The following PDE4A variants were observed in gnomAD, a reference collection of about 807,000 sequenced individuals.
PDE4A encodes 3',5'-cyclic-AMP phosphodiesterase 4A.
PDE4A carries 21 observed loss-of-function variants against 73.9 expected under a neutral mutation model. That is an observed-to-expected ratio of 0.28 (90% CI 0.20 to 0.41). The LOEUF (loss-of-function observed/expected upper bound fraction) is 0.41. PDE4A is among the 10% of genes least tolerant of loss of function. The pLI, the probability that PDE4A is intolerant of heterozygous loss-of-function variation, is 1.00. For missense variants in PDE4A, 958 were observed against 1,211.4 expected (o/e 0.79, Z 3.10); for synonymous variants, 463 against 505.4 (o/e 0.92, Z 1.13).
intron 7 of PDE4A, among the ~76,000 whole-genome samples, chr19:10,457,567 C>T (rs1426873206): frequency 2.0e-5 from 3 of 151,898 alleles, no homozygotes; most frequent in African/African-American, 2.4e-5. Flanking sequence ...CCTGGGTGTT[C>T]GGGGTAGGCA....
chr19:10,462,797 C>T (rs1467483367), intron 13 of PDE4A, among the ~76,000 whole-genome samples: 1 of 152,122 alleles, frequency 6.6e-6, no homozygotes, highest in Non-Finnish European at 1.5e-5. Flanking sequence ...TCCGACTCCT[C>T]CCATATTTTC....
intron 1 of PDE4A, chr19:10,432,422 G>T: frequency 2.1e-6 from 3 of 1,418,624 alleles, no homozygotes; most frequent in Non-Finnish European, 2.8e-6. Context: ...CCCGACGACG[G>T]CGCTTGGCTC....
At chr19:10,427,554 C>T in intron 1 of PDE4A, 2 of 985,400 alleles carry the variant, frequency 2.0e-6, no homozygotes, top group Non-Finnish European at 1.2e-6. Context: ...CATCTGGCTT[C>T]CTAGGACGGG....
At chr19:10,421,568 A>G (rs2042651961) in intron 1 of PDE4A, among the ~76,000 whole-genome samples, 1 of 151,974 alleles carries the variant, frequency 6.6e-6, no homozygotes, top group African/African-American at 2.4e-5. Context: ...GGAGGACTCT[A>G]TTGCGGGGAT....
chr19:10,457,286 A>G (rs2043184922), intron 7 of PDE4A, among the ~76,000 whole-genome samples: 1 of 152,170 alleles, frequency 6.6e-6, no homozygotes, highest in Non-Finnish European at 1.5e-5. Context: ...GGAGCATAAC[A>G]TGTAAATGAC....
chr19:10,419,076 T>TG, upstream of PDE4A: 1 of 971,190 alleles, frequency 1.0e-6, no homozygotes, highest in Non-Finnish European at 1.2e-6. Context: ...TTTTTTTTTT[T>TG]TTTTCAAATA....
chr19:10,461,428 G>A (rs1411801845), intron 11 of PDE4A, 98 bp from the exon 12 acceptor site: 40 of 1,548,166 alleles, frequency 2.6e-5, no homozygotes, highest in Non-Finnish European at 3.4e-5. Context: ...GAGGCTGGCC[G>A]GGCTGGGGAG....
chr19:10,421,960 G>A (rs536778415), intron 1 of PDE4A, among the ~76,000 whole-genome samples: 3 of 152,316 alleles, frequency 2.0e-5, no homozygotes, highest in Admixed American at 6.5e-5. Context: ...GTCCTCCAGG[G>A]ACAGTGTAAT....
intron 1 of PDE4A, among the ~76,000 whole-genome samples, chr19:10,428,565 A>G (rs761432511): frequency 6.6e-6 from 1 of 152,204 alleles, no homozygotes; most frequent in Non-Finnish European, 1.5e-5. Flanking sequence ...TATTTGTCAA[A>G]TACTGATAAT....
At position 10,450,954 on chromosome 19, in the gene PDE4A, TGGGCAGAACCCCTGGGCG is replaced by T. The variant is rs751290987; in HGVS notation, c.783+20_783+37del. The T allele has an allele frequency of 9.5e-6, 15 of 1,577,520 alleles. No individual in the cohort carries two copies. In the South Asian group the frequency reaches 1.6e-4, roughly 17 times the overall value. On this transcript the variant is annotated intron_variant, in intron 6 of 14. Transcript: ENST00000380702. Reference sequence around the variant, plus strand: ...GGCCTCGCACAAGGTGTGCAGGTGGTGGGCAGAACCCCTGGGCGGGGCAGGCGGGGGCGGGGCCAGTGG... The same window carrying T: ...GGCCTCGCACAAGGTGTGCAGGTGGTGGGCAGGCGGGGGCGGGGCCAGTGG...
Position 10,466,931 on chromosome 19 carries a change from G to T in PDE4A, c.1971G>T (p.Trp657Cys). Residue 657 changes from tryptophan to cysteine, a missense_variant, in exon 15 of 15, where the codon TGG (tryptophan) becomes TGT (cysteine). Physicochemically the swap from Trp to Cys is radical, Grantham distance 215. Coordinates refer to ENST00000380702, the MANE Select transcript of PDE4A (RefSeq NM_001111307.2). ...TTGTGCACCCATTGTGGGAGACCTGGGCGGACCTTGTCCACCCAGATGCCC... is the reference window on the plus strand; with the variant it reads ...TTGTGCACCCATTGTGGGAGACCTGTGCGGACCTTGTCCACCCAGATGCCC... ...DYIVHPLWET[W>C]ADLVHPDAQE... is the part of the protein sequence containing the mutation. 6.2e-7 allele frequency: 1 copy of T among 1,614,086 alleles called. No individual in the cohort carries two copies. Among genetic ancestry groups the T allele is most frequent in the South Asian group, 1.1e-5 (1 of 91,080 alleles).
chr19:10,418,179 G>A (rs1314169019), upstream of PDE4A, among the ~76,000 whole-genome samples: 1 of 152,194 alleles, frequency 6.6e-6, no homozygotes, highest in African/African-American at 2.4e-5. Flanking sequence ...GCTGTGCACC[G>A]GCTTTCATGT....
intron 1 of PDE4A, among the ~76,000 whole-genome samples, chr19:10,441,417 G>A (rs1322647115): frequency 4.0e-5 from 6 of 151,024 alleles, no homozygotes; most frequent in Non-Finnish European, 7.4e-5. Flanking sequence ...GTGAGCCACC[G>A]TGCCCAGCCC....
chr19:10,467,128 T>C lies in PDE4A; in HGVS notation c.2168T>C (p.Met723Thr). The C allele has an allele frequency of 6.2e-7, 1 of 1,614,128 alleles. No homozygotes were observed. Among genetic ancestry groups the C allele is most frequent in the Admixed American group, 1.7e-5 (1 of 60,008 alleles). The stretch of plus-strand genomic sequence containing the variant: ...GAGGAAGAGGAGGAAGAAATATCAA[T>C]GGCCCAGATACCGTGCACAGCCCAA... ...LEEEEEEEISMAQIPCTAQEA... is the reference protein window; with the variant it reads ...LEEEEEEEISTAQIPCTAQEA... Residue 723 changes from methionine (M) to threonine (T), a missense_variant, in exon 15 of 15, where the codon ATG becomes ACG. Met to Thr is a moderately conservative substitution (Grantham distance 81, BLOSUM62 -1). This residue lies in a region of PDE4A where 243 missense variants were observed against 245.9 expected (regional missense o/e 0.99). Coordinates refer to ENST00000380702, the MANE Select transcript of PDE4A (RefSeq NM_001111307.2).
chr19:10,428,455 CT>C (rs1275126440), intron 1 of PDE4A, among the ~76,000 whole-genome samples: 4 of 152,030 alleles, frequency 2.6e-5, no homozygotes, highest in African/African-American at 9.6e-5. Context: ...AGGAAGCTTT[CT>C]AAAGGGTTAG....
rs760146893 is a variant in PDE4A at position 10,454,933 on chromosome 19, G to C, written c.877+11G>C. On this transcript the variant is annotated intron_variant, in intron 7 of 14. Coordinates refer to ENST00000380702, the MANE Select transcript of PDE4A (RefSeq NM_001111307.2). ...CCACAACATTCCTGGGTGAGTGAGG[G>C]GAAGCACGTGGGATTGGAGGGGGGA... 1 of 1,613,684 alleles carries C rather than the reference G, an allele frequency of 6.2e-7. No homozygotes were observed. Among genetic ancestry groups the C allele is most frequent in the Non-Finnish European group, 8.5e-7 (1 of 1,179,678 alleles).
intron 1 of PDE4A, among the ~76,000 whole-genome samples, chr19:10,431,610 G>T (rs866486857): frequency 2.6e-5 from 4 of 152,332 alleles, no homozygotes; most frequent in Middle Eastern, 6.8e-3. Flanking sequence ...TTATATCCTG[G>T]AGGCAGAAGT....
At chr19:10,459,904 G>T (rs60167376) in intron 10 of PDE4A, 145 bp downstream of exon 10, 4 of 1,006,166 alleles carry the variant, frequency 4.0e-6, no homozygotes, top group African/African-American at 3.3e-5. Flanking sequence ...TTTTTGAGAC[G>T]GAGTCTTGCT....
At chr19:10,446,817 C>CTCCTGACCTCA (rs1226353037) in intron 2 of PDE4A, among the ~76,000 whole-genome samples, 2 of 151,972 alleles carry the variant, frequency 1.3e-5, no homozygotes, top group East Asian at 3.9e-4. Context: ...TGGTCTCAAA[C>CTCCTGACCTCA]TCCTGACCTC....
Sources: gnomAD v4.1 joint callset for allele counts (sites outside exome capture counted in the v4.1 genomes callset) on GRCh38, gnomAD v4.1.1 for gene constraint, gnomAD v4.1.1 regional missense constraint, MANE v1.5 for transcripts, NCBI Gene and HGNC (gene_info 2026-07-23, HGNC 2026-07-21) for gene names.